Variants in SYN2 observed in about 807,000 individuals in gnomAD.
The protein encoded by SYN2 is synapsin II, also known as synapsin-2.
Under a neutral mutation model 50.9 loss-of-function variants are expected in SYN2, and 19 were observed. That is an observed-to-expected ratio of 0.37 (90% CI 0.26 to 0.55). The LOEUF (loss-of-function observed/expected upper bound fraction) is 0.55, where lower values mean the gene tolerates loss of function less well. SYN2 is among the 20% of genes least tolerant of loss of function. The probability of loss-of-function intolerance (pLI) is 0.81; values close to 1 mark genes in which losing one functional copy is unlikely to be tolerated. For missense variants in SYN2, 587 were observed against 576.4 expected (o/e 1.02, Z -0.19); for synonymous variants, 255 against 224.9 (o/e 1.13, Z -1.20).
intron 10 of SYN2, among the ~76,000 whole-genome samples, chr3:12,176,449 G>A (rs1466430618): frequency 1.3e-5 from 2 of 152,214 alleles, no homozygotes; most frequent in African/African-American, 4.8e-5. Context: ...TCTCTTCAGT[G>A]CCCCTCATTT....
intron 1 of SYN2, among the ~76,000 whole-genome samples, chr3:12,050,605 A>G (rs1354034997): frequency 1.3e-5 from 2 of 151,270 alleles, no homozygotes; most frequent in African/African-American, 4.8e-5. Flanking sequence ...CAGTCTCCCA[A>G]AGTGCTGGGA....
At chr3:12,067,616 G>GAAA (rs34794670) in intron 1 of SYN2, among the ~76,000 whole-genome samples, 1 of 130,666 alleles carries the variant, frequency 7.7e-6, no homozygotes, top group African/African-American at 2.8e-5. Context: ...ATCTTAACCA[G>GAAA]AAAAAAAAAA....
In SYN2 at chr3:12,187,460, C is replaced by A. The variant is rs778828311; in HGVS notation, c.1461C>A (p.Ser487=). 1 of 1,553,072 alleles carries A rather than the reference C, an allele frequency of 6.4e-7. No homozygotes were observed. Among genetic ancestry groups the A allele is most frequent in the South Asian group, 1.2e-5 (1 of 84,186 alleles). Residue 487 remains serine, a synonymous_variant, in exon 12 of 13, where the codon TCC becomes TCA. Coordinates refer to ENST00000621198, the MANE Select transcript of SYN2 (RefSeq NM_133625.6). ...CTGGACCATCACTGCCACCTTCCTC[C>A]TCTTCCTCCTCTTCTTCCTCCTCCT... The part of the protein sequence containing the change: ...LPPGPSLPPS[S]SSSSSSSSSA...
intron 1 of SYN2, among the ~76,000 whole-genome samples, chr3:12,085,158 A>G (rs1257701152): frequency 1.3e-5 from 2 of 152,062 alleles, no homozygotes; most frequent in Non-Finnish European, 2.9e-5. Flanking sequence ...TTCACTGTTA[A>G]GGACACATGT....
intron 1 of SYN2, among the ~76,000 whole-genome samples, chr3:12,057,089 C>T (rs1695006451): frequency 1.3e-5 from 2 of 152,136 alleles, no homozygotes; most frequent in South Asian, 4.2e-4. Flanking sequence ...GTCAGGAGTT[C>T]AAGACCAACT....
chr3:12,063,934 G>T (rs1459801585), intron 1 of SYN2, among the ~76,000 whole-genome samples: 1 of 152,014 alleles, frequency 6.6e-6, no homozygotes, highest in Non-Finnish European at 1.5e-5. Context: ...CACCCCTTAA[G>T]TGTGAGCTGT....
chr3:12,057,916 A>T (rs935642786), intron 1 of SYN2, among the ~76,000 whole-genome samples: 8 of 152,236 alleles, frequency 5.3e-5, no homozygotes, highest in Admixed American at 2.6e-4. Context: ...CTTTTAGAGC[A>T]TAGTATTTCA....
At chr3:12,152,733 G>GA in intron 5 of SYN2, among the ~76,000 whole-genome samples, 1 of 152,276 alleles carries the variant, frequency 6.6e-6, no homozygotes, top group Non-Finnish European at 1.5e-5. Context: ...AAAAAGTTCT[G>GA]AAATAGGAAT....
intron 1 of SYN2, among the ~76,000 whole-genome samples, chr3:12,047,694 A>G (rs1375526456): frequency 1.3e-5 from 2 of 152,186 alleles, no homozygotes; most frequent in Admixed American, 6.6e-5. Context: ...GAGGCGAGTG[A>G]TGGATTGGGG....
intron 1 of SYN2, among the ~76,000 whole-genome samples, chr3:12,100,342 C>T (rs541044242): frequency 1.9e-4 from 29 of 152,154 alleles, no homozygotes; most frequent in African/African-American, 6.5e-4. Context: ...CCATAATGTA[C>T]GGCCAATTTA....
chr3:12,016,474 C>T (rs1425684880), intron 1 of SYN2, among the ~76,000 whole-genome samples: 6 of 152,188 alleles, frequency 3.9e-5, no homozygotes, highest in Non-Finnish European at 7.4e-5. Flanking sequence ...ACACTTAAAA[C>T]ACCTGGGTTC....
chr3:12,074,281 T>C (rs1172294707), intron 1 of SYN2, among the ~76,000 whole-genome samples: 2 of 152,304 alleles, frequency 1.3e-5, no homozygotes, highest in East Asian at 1.9e-4. Context: ...AATCTGACAG[T>C]ATTTGTCTTA....
At chr3:12,091,784 G>GC (rs1476046815) in intron 1 of SYN2, among the ~76,000 whole-genome samples, 1 of 152,142 alleles carries the variant, frequency 6.6e-6, no homozygotes, top group Non-Finnish European at 1.5e-5. Context: ...ATCTCTGCAG[G>GC]CTGTCTATTG....
intron 10 of SYN2, among the ~76,000 whole-genome samples, chr3:12,171,074 A>T (rs1453813731): frequency 6.6e-6 from 1 of 152,168 alleles, no homozygotes; most frequent in African/African-American, 2.4e-5. Flanking sequence ...ATAAATGTGG[A>T]CCCTGACTCT....
intron 9 of SYN2, 32 bp from the exon 10 acceptor site, chr3:12,169,725 C>T: frequency 6.2e-7 from 1 of 1,612,190 alleles, no homozygotes. Context: ...TTTCCAGACC[C>T]CTTTCCTCAC....
chr3:12,146,065 C>G (rs766751259), intron 4 of SYN2, among the ~76,000 whole-genome samples: 1 of 152,234 alleles, frequency 6.6e-6, no homozygotes. Context: ...CACAGCATCA[C>G]CTGTCACAGG....
intron 1 of SYN2, among the ~76,000 whole-genome samples, chr3:12,047,110 A>G (rs775102035): frequency 2.0e-5 from 3 of 152,136 alleles, no homozygotes; most frequent in African/African-American, 4.8e-5. Context: ...TGTTCCAATT[A>G]TGTGCCATAA....
intron 1 of SYN2, among the ~76,000 whole-genome samples, chr3:12,063,333 G>A (rs1343068177): frequency 6.6e-6 from 1 of 152,024 alleles, no homozygotes; most frequent in Non-Finnish European, 1.5e-5. Context: ...AGGGAAAAAG[G>A]TGCTGATTTA....
intron 1 of SYN2, among the ~76,000 whole-genome samples, chr3:12,074,239 G>A (rs751613076): frequency 7.2e-5 from 11 of 151,952 alleles, no homozygotes; most frequent in Non-Finnish European, 1.6e-4. Context: ...TGTATCTCTT[G>A]CAAAACAGCC....
Sources: gnomAD v4.1 joint callset for allele counts (sites outside exome capture counted in the v4.1 genomes callset) on GRCh38, gnomAD v4.1.1 for gene constraint, MANE v1.5 for transcripts, NCBI Gene and HGNC (gene_info 2026-07-23, HGNC 2026-07-21) for gene names.